The following ECI2 variants were observed in gnomAD, a reference collection of about 807,000 sequenced individuals.
ECI2 encodes the protein enoyl-CoA delta isomerase 2, also known as D3,D2-enoyl-CoA isomerase.
Under a neutral mutation model 38.4 loss-of-function variants are expected in ECI2, and 27 were observed. The ratio of observed to expected loss-of-function variants is 0.70; its 90% confidence interval spans 0.52 to 0.97. ECI2 has a LOEUF of 0.97. Ranked by LOEUF, ECI2 falls within the 50% of genes least tolerant of loss-of-function variation. The probability of loss-of-function intolerance (pLI) is 0.00; values close to 1 mark genes in which losing one functional copy is unlikely to be tolerated. For missense variants in ECI2, 470 were observed against 474.4 expected (o/e 0.99, Z 0.09); for synonymous variants, 168 against 172.0 (o/e 0.98, Z 0.18).
Position 4,121,433 on chromosome 6 carries a change from G to T in ECI2, c.796-2158C>A, listed in dbSNP as rs1772745199. Among the ~76,000 whole-genome samples the T allele has an allele frequency of 2.0e-5, 3 of 151,956 alleles. No homozygotes were observed. In the South Asian group the frequency reaches 6.3e-4, roughly 32 times the overall value. ...ATTTTCTCAGTGGTTTCTCTCATAT[G>T]GTTTTAATAGCCCTTTATATTTCAT... On this transcript the variant is annotated intron_variant, in intron 7 of 9. Coordinates refer to ENST00000380118, the MANE Select transcript of ECI2 (RefSeq NM_206836.3).
rs1264082806 is a variant in ECI2 at position 4,115,823 on chromosome 6, A to G, written c.*51T>C. 2.6e-6 allele frequency: 4 copies of G among 1,564,862 alleles called. No homozygotes were observed. Among genetic ancestry groups the G allele is most frequent in the Non-Finnish European group, 3.5e-6 (4 of 1,157,424 alleles). ...ATTTAGTTCCAGTACTGGAAATCAG[A>G]GGTAACAGCACATCCTTCCTTGGAC... On this transcript the variant is annotated 3_prime_UTR_variant, in exon 10 of 10. Coordinates refer to ENST00000380118, the MANE Select transcript of ECI2 (RefSeq NM_206836.3).
intron 9 of ECI2, among the ~76,000 whole-genome samples, chr6:4,116,519 C>T (rs1251515753): frequency 2.0e-5 from 3 of 150,738 alleles, no homozygotes; most frequent in Admixed American, 6.6e-5. Flanking sequence ...TGGCTCATTG[C>T]AACCTCTGCC....
At chr6:4,119,527 G>A (rs542692154) in intron 7 of ECI2, among the ~76,000 whole-genome samples, 1 of 152,184 alleles carries the variant, frequency 6.6e-6, no homozygotes, top group South Asian at 2.1e-4. Context: ...CGCCCTGTTG[G>A]CCAGGTTGGT....
intron 1 of ECI2, chr6:4,134,997 G>C (rs1773660234): frequency 2.6e-6 from 1 of 390,870 alleles, no homozygotes; most frequent in African/African-American, 2.1e-5. Context: ...GGGACCCCAG[G>C]GAGGTGCAGC....
chr6:4,116,927 G>A (rs1223440558), intron 9 of ECI2, among the ~76,000 whole-genome samples: 2 of 152,168 alleles, frequency 1.3e-5, no homozygotes, highest in African/African-American at 2.4e-5. Flanking sequence ...GAATATAAAA[G>A]CAATCAGTCA....
chr6:4,127,098 G>C (rs994886136), intron 5 of ECI2, among the ~76,000 whole-genome samples: 3 of 152,096 alleles, frequency 2.0e-5, no homozygotes, highest in Admixed American at 1.3e-4. Flanking sequence ...TTATTTTGCT[G>C]AACTGTGTTT....
At chr6:4,130,073 G>A in intron 4 of ECI2, 1 of 1,592,380 alleles carries the variant, frequency 6.3e-7, no homozygotes. Flanking sequence ...ACCTTAGATG[G>A]CTTCTATGCA....
chr6:4,120,684 G>A (rs1470195719), intron 7 of ECI2, among the ~76,000 whole-genome samples: 1 of 151,660 alleles, frequency 6.6e-6, no homozygotes, highest in African/African-American at 2.4e-5. Flanking sequence ...CCGAGATCAT[G>A]CCACTGTACT....
chr6:4,130,893 CAAATGTCCATGT>C (rs1773476445), intron 2 of ECI2, 28 bp from the exon 3 acceptor site: 1 of 1,603,148 alleles, frequency 6.2e-7, no homozygotes, highest in African/African-American at 1.3e-5. Flanking sequence ...GCAATATGTT[CAAATGTCCATGT>C]AAACTAGACC....
At position 4,125,237 on chromosome 6, in the gene ECI2, G is replaced by A; in HGVS notation, c.795+13C>T. ...TGCTTGCCTGACCTCTTGCTTTCTAGGAGCTGACTTACCCTGTCAGATGCA... is the reference window on the plus strand; with the variant it reads ...TGCTTGCCTGACCTCTTGCTTTCTAAGAGCTGACTTACCCTGTCAGATGCA... On this transcript the variant is annotated intron_variant, in intron 7 of 9. Coordinates refer to ENST00000380118, the MANE Select transcript of ECI2 (RefSeq NM_206836.3). The A allele has an allele frequency of 6.2e-7, 1 of 1,613,438 alleles. No individual in the cohort carries two copies. The highest frequency in any genetic ancestry group is 8.5e-7 in the Non-Finnish European group (1 of 1,179,690).
chr6:4,124,078 C>T (rs183297472), intron 7 of ECI2, among the ~76,000 whole-genome samples: 3 of 152,168 alleles, frequency 2.0e-5, no homozygotes, highest in East Asian at 1.9e-4. Flanking sequence ...ATGAGATCCC[C>T]AATTTTAGGT....
Position 4,130,476 on chromosome 6 carries a change from C to A in ECI2, c.397G>T (p.Asp133Tyr). ...ESSSQVEPGT[D>Y]RKSTGFETLV... Reference sequence around the variant, plus strand: ...GTTTCAAACCCAGTTGATTTCCTGTCTGTTCCAGGCTCCACCTGACTAGAG... The same window carrying A: ...GTTTCAAACCCAGTTGATTTCCTGTATGTTCCAGGCTCCACCTGACTAGAG... Residue 133 changes from aspartate to tyrosine, a missense_variant, in exon 4 of 10, where the codon GAC becomes TAC. Transcript: ENST00000380118. The A allele has an allele frequency of 6.2e-7, 1 of 1,614,230 alleles. No individual in the cohort carries two copies. The highest frequency in any genetic ancestry group is 8.5e-7 in the Non-Finnish European group (1 of 1,180,046).
At chr6:4,125,210 G>T in intron 7 of ECI2, 40 bp downstream of exon 7, 1 of 1,607,500 alleles carries the variant, frequency 6.2e-7, no homozygotes, top group Non-Finnish European at 8.5e-7. Flanking sequence ...CTCATCTCGC[G>T]CTGCTTGCCT....
At chr6:4,125,427 T>C in intron 6 of ECI2, 57 bp from the exon 7 acceptor site, 2 of 1,604,774 alleles carry the variant, frequency 1.2e-6, no homozygotes, top group Admixed American at 1.7e-5. Context: ...GACTAAAGCA[T>C]GGGCAAGACA....
chr6:4,133,563 C>A lies in ECI2; in HGVS notation c.199G>T (p.Ala67Ser). The change falls in exon 2 of 10, where the codon GCG becomes TCG. Residue 67 changes from alanine (A) to serine (S), a missense_variant. Transcript: ENST00000380118. Reference sequence around the variant, plus strand: ...TAGGCATTTACCTGCTTATATAGCGCGTAGAGTTTTAGCTTCACTTCGTTT... The same window carrying A: ...TAGGCATTTACCTGCTTATATAGCGAGTAGAGTTTTAGCTTCACTTCGTTT... ...PGNEVKLKLY[A>S]LYKQATEGPC... is the part of the protein sequence containing the mutation. 1.2e-6 allele frequency: 2 copies of A among 1,612,630 alleles called. No homozygotes were observed. The highest frequency in any genetic ancestry group is 1.7e-6 in the Non-Finnish European group (2 of 1,179,422).
At chr6:4,121,282 C>T (rs1772732454) in intron 7 of ECI2, among the ~76,000 whole-genome samples, 3 of 152,146 alleles carry the variant, frequency 2.0e-5, no homozygotes. Flanking sequence ...GATATTTTCT[C>T]CACTATTTTT....
At chr6:4,123,443 T>C (rs988943791) in intron 7 of ECI2, among the ~76,000 whole-genome samples, 1 of 151,884 alleles carries the variant, frequency 6.6e-6, no homozygotes, top group Non-Finnish European at 1.5e-5. Context: ...TCCTTTATTT[T>C]AAATGATGCT....
chr6:4,123,826 C>T (rs143141032), intron 7 of ECI2, among the ~76,000 whole-genome samples: 5 of 151,822 alleles, frequency 3.3e-5, no homozygotes, highest in East Asian at 1.9e-4. Flanking sequence ...AAAATTAGCT[C>T]GATGTGGTGG....
Position 4,115,860 on chromosome 6 carries a change from T to G in ECI2, c.*14A>C. ...ATCCTTCCTTGGACATGCTTTACTC[T>G]GCTGTAGTGGTCATCACAGTTTTGA... On this transcript the variant is annotated 3_prime_UTR_variant, in exon 10 of 10. Transcript: ENST00000380118. The G allele has an allele frequency of 6.2e-7, 1 of 1,605,914 alleles. No homozygotes were observed. Among genetic ancestry groups the G allele is most frequent in the Non-Finnish European group, 8.5e-7 (1 of 1,176,446 alleles).
Sources: allele counts gnomAD v4.1 joint callset (sites outside exome capture counted in the v4.1 genomes callset), GRCh38; gene constraint gnomAD v4.1.1; transcripts MANE v1.5; gene names NCBI Gene and HGNC (gene_info 2026-07-23, HGNC 2026-07-21).